The following CEP128 variants were observed in gnomAD, a reference collection of about 807,000 sequenced individuals.
CEP128 encodes centrosomal protein 128, also known as centrosomal protein 128kDa.
CEP128 carries 132 observed loss-of-function variants against 156.7 expected under a neutral mutation model. That is an observed-to-expected ratio of 0.84 (90% CI 0.73 to 0.97). The LOEUF (loss-of-function observed/expected upper bound fraction) is 0.97. CEP128 is among the 50% of genes least tolerant of loss of function. The pLI is 0.00. For synonymous variants in CEP128, 469 were observed against 448.9 expected, an observed-to-expected ratio of 1.04 and a Z score of -0.57; for missense variants, 1,252 against 1,281.9, an observed-to-expected ratio of 0.98 and a Z score of 0.36.
chr14:80,830,010 T>G (rs1053014165), intron 13 of CEP128, among the ~76,000 whole-genome samples: 2 of 152,196 alleles, frequency 1.3e-5, no homozygotes, highest in African/African-American at 2.4e-5. Flanking sequence ...CAAAGGGATT[T>G]TTCTACCTTT....
intron 19 of CEP128, among the ~76,000 whole-genome samples, chr14:80,716,770 T>C (rs541781147): frequency 6.6e-6 from 1 of 152,340 alleles, no homozygotes; most frequent in South Asian, 2.1e-4. Context: ...TTCTAGGTTA[T>C]ATGTAACTCT....
chr14:80,825,523 GACAA>G (rs1885424814), intron 13 of CEP128, among the ~76,000 whole-genome samples: 1 of 152,106 alleles, frequency 6.6e-6, no homozygotes, highest in South Asian at 2.1e-4. Context: ...ACATTCAAAT[GACAA>G]ACTAATGTAT....
intron 19 of CEP128, among the ~76,000 whole-genome samples, chr14:80,637,126 T>A (rs78149558): frequency 6.1e-4 from 93 of 151,710 alleles, no homozygotes; most frequent in African/African-American, 2.2e-3. Context: ...AATCTGTCCA[T>A]GTATTCCCAG....
chr14:80,898,743 TA>T (rs1160459570), intron 7 of CEP128, among the ~76,000 whole-genome samples: 1 of 152,144 alleles, frequency 6.6e-6, no homozygotes, highest in Non-Finnish European at 1.5e-5. Context: ...AAAAAAATAA[TA>T]ACCTAAATAT....
chr14:80,504,386 T>C (rs1594920713), intron 24 of CEP128, among the ~76,000 whole-genome samples: 2 of 152,024 alleles, frequency 1.3e-5, no homozygotes, highest in African/African-American at 2.4e-5. Context: ...AGACCACATA[T>C]AGGAAGGAAG....
At chr14:80,775,983 G>A (rs770286419) in intron 16 of CEP128, among the ~76,000 whole-genome samples, 5 of 152,170 alleles carry the variant, frequency 3.3e-5, no homozygotes, top group South Asian at 2.1e-4. Flanking sequence ...ACAGGTGCTC[G>A]CCACCACACC....
intron 19 of CEP128, among the ~76,000 whole-genome samples, chr14:80,660,630 T>C (rs1895359568): frequency 6.6e-6 from 1 of 152,194 alleles, no homozygotes; most frequent in Non-Finnish European, 1.5e-5. Flanking sequence ...CAACATTGAT[T>C]ACATATGATT....
intron 19 of CEP128, among the ~76,000 whole-genome samples, chr14:80,642,580 G>T (rs1894463622): frequency 6.6e-6 from 1 of 152,108 alleles, no homozygotes; most frequent in Non-Finnish European, 1.5e-5. Flanking sequence ...CTGTTTGGGA[G>T]GCTGAGGCAA....
chr14:80,606,430 G>T (rs1018999198), intron 19 of CEP128, among the ~76,000 whole-genome samples: 2 of 152,202 alleles, frequency 1.3e-5, no homozygotes, highest in Middle Eastern at 3.4e-3. Flanking sequence ...GCCAGGCTCT[G>T]TAAACACTAC....
chr14:80,916,705 TA>T (rs1884584612), intron 2 of CEP128, 143 bp from the exon 3 acceptor site: 1 of 601,238 alleles, frequency 1.7e-6, no homozygotes, highest in Non-Finnish European at 2.8e-6. Flanking sequence ...ATACATAGCT[TA>T]AAAACACAAG....
chr14:80,566,835 A>C (rs8008286), intron 20 of CEP128, among the ~76,000 whole-genome samples: 11,866 of 150,826 alleles, frequency 0.079, 572 homozygotes, highest in African/African-American at 0.12. Context: ...GTCTAAAATA[A>C]CACAACACAC....
chr14:80,724,759 T>C (rs1203447980), intron 19 of CEP128, among the ~76,000 whole-genome samples: 1 of 151,936 alleles, frequency 6.6e-6, no homozygotes, highest in Non-Finnish European at 1.5e-5. Context: ...AAGATGTTTA[T>C]AAATGTGTTT....
At chr14:80,711,295 TTGTG>T (rs138953286) in intron 19 of CEP128, among the ~76,000 whole-genome samples, 33,425 of 145,722 alleles carry the variant, frequency 0.23, 3,706 homozygotes, top group Admixed American at 0.26. Flanking sequence ...TAAGACTATG[TTGTG>T]TGTGTGTGTG....
intron 22 of CEP128, among the ~76,000 whole-genome samples, chr14:80,528,237 T>G (rs566015682): frequency 1.3e-5 from 2 of 152,248 alleles, no homozygotes; most frequent in Non-Finnish European, 2.9e-5. Flanking sequence ...TGCTATTCCC[T>G]TTCTACCTAA....
rs780221928 is a variant in CEP128 at position 80,593,546 on chromosome 14, C to CAA, written c.2807-13125_2807-13124dup. Reference sequence around the variant, plus strand: ...TGGGTGACAGAGCAAGACTCCATCTCAAAAAAAAAAAAAAAAAAAGAAAAC... The same window carrying CAA: ...TGGGTGACAGAGCAAGACTCCATCTCAAAAAAAAAAAAAAAAAAAAAGAAAAC... On this transcript the variant is annotated intron_variant, in intron 19 of 24. Transcript: ENST00000555265. 5.9e-3 allele frequency among the ~76,000 whole-genome samples: 457 copies of CAA among 77,690 alleles called. 5 individuals are homozygous for CAA. The highest frequency in any genetic ancestry group is 7.6e-3 in the Middle Eastern group (1 of 132). 51.0% of individuals were successfully genotyped at this position (77,690 alleles called of 152,430 possible).
chr14:80,837,996 T>TG (rs1024731669), intron 11 of CEP128, among the ~76,000 whole-genome samples: 2 of 152,206 alleles, frequency 1.3e-5, no homozygotes, highest in African/African-American at 4.8e-5. Context: ...ACCATCACAG[T>TG]GGGGACTCTG....
intron 18 of CEP128, among the ~76,000 whole-genome samples, chr14:80,752,929 T>C (rs1899466144): frequency 1.3e-5 from 2 of 152,270 alleles, no homozygotes; most frequent in South Asian, 4.1e-4. Flanking sequence ...CTATAAAAAG[T>C]GTAACTCTTT....
intron 23 of CEP128, among the ~76,000 whole-genome samples, chr14:80,507,868 A>G (rs1221129928): frequency 6.6e-6 from 1 of 152,248 alleles, no homozygotes; most frequent in Non-Finnish European, 1.5e-5. Context: ...AACTGGCATC[A>G]AAGCATTGGT....
intron 20 of CEP128, among the ~76,000 whole-genome samples, chr14:80,568,344 G>A (rs1333944950): frequency 6.6e-6 from 1 of 152,168 alleles, no homozygotes; most frequent in African/African-American, 2.4e-5. Flanking sequence ...ATGTCACACA[G>A]CTGAGTCATT....
Sources: allele counts gnomAD v4.1 joint callset (sites outside exome capture counted in the v4.1 genomes callset), GRCh38; gene constraint gnomAD v4.1.1; transcripts MANE v1.5; gene names NCBI Gene and HGNC (gene_info 2026-07-23, HGNC 2026-07-21).